GALNT17: variants seen among roughly 807,000 people sequenced by gnomAD.
GALNT17 encodes polypeptide N-acetylgalactosaminyltransferase 17, also known as UDP-GalNAc:polypeptide N-acetylgalactosaminyltransferase-like 3.
A neutral mutation model predicts 63.7 loss-of-function variants in GALNT17; 29 were observed. The ratio of observed to expected loss-of-function variants is 0.46; its 90% CI spans 0.34 to 0.62. The LOEUF is 0.62. Among genes scored for constraint, GALNT17 ranks in the 20% least tolerant of loss-of-function variants. GALNT17 has a pLI of 0.01. For missense variants in GALNT17, 603 were observed against 799.6 expected (o/e 0.75, Z 2.97); for synonymous variants, 305 against 318.3 (o/e 0.96, Z 0.45).
intron 5 of GALNT17, among the ~76,000 whole-genome samples, chr7:71,480,548 C>G (rs1787801087): frequency 6.7e-6 from 1 of 150,146 alleles, no homozygotes; most frequent in African/African-American, 2.5e-5. Context: ...CTCATGTCAC[C>G]CAGGCTGGAG....
chr7:71,188,291 A>C (rs1031390446), intron 1 of GALNT17, among the ~76,000 whole-genome samples: 1 of 152,144 alleles, frequency 6.6e-6, no homozygotes, highest in African/African-American at 2.4e-5. Context: ...TTAGTTCTTT[A>C]AGGAATCTCC....
chr7:71,591,009 C>T (rs569998714), intron 6 of GALNT17, among the ~76,000 whole-genome samples: 1 of 152,254 alleles, frequency 6.6e-6, no homozygotes, highest in South Asian at 2.1e-4. Context: ...GATCCACCCA[C>T]CTAGGCCTCC....
chr7:71,478,423 C>A (rs376809484), intron 5 of GALNT17, among the ~76,000 whole-genome samples: 1 of 152,072 alleles, frequency 6.6e-6, no homozygotes, highest in African/African-American at 2.4e-5. Context: ...AAGCAATCCT[C>A]CCCCCTCAGC....
intron 6 of GALNT17, among the ~76,000 whole-genome samples, chr7:71,628,552 A>T (rs761116145): frequency 5.9e-5 from 9 of 151,844 alleles, no homozygotes. Context: ...CTAACTCGTG[A>T]CCTCAGGTGA....
chr7:71,133,122 G>C (rs768442761), intron 1 of GALNT17, 82 bp downstream of exon 1: 79 of 1,246,044 alleles, frequency 6.3e-5, no homozygotes, highest in Non-Finnish European at 7.9e-5. Flanking sequence ...TGCGCGCTGC[G>C]CCCTGTGCCT....
At chr7:71,192,100 A>C (rs965064514) in intron 1 of GALNT17, among the ~76,000 whole-genome samples, 2 of 152,174 alleles carry the variant, frequency 1.3e-5, no homozygotes, top group African/African-American at 2.4e-5. Flanking sequence ...AAGAACTTGG[A>C]ATCTGATGTT....
intron 6 of GALNT17, among the ~76,000 whole-genome samples, chr7:71,616,839 A>C (rs1174894519): frequency 1.1e-5 from 1 of 92,864 alleles, no homozygotes. Flanking sequence ...TATATATTAT[A>C]ATTATGTATT....
At chr7:71,544,160 C>G (rs1250475927) in intron 5 of GALNT17, among the ~76,000 whole-genome samples, 2 of 143,044 alleles carry the variant, frequency 1.4e-5, no homozygotes, top group African/African-American at 5.3e-5. Flanking sequence ...GATGGAGTCT[C>G]GCTCTGTTGC....
At chr7:71,280,872 A>T (rs896758748) in intron 1 of GALNT17, among the ~76,000 whole-genome samples, 7 of 152,160 alleles carry the variant, frequency 4.6e-5, no homozygotes, top group African/African-American at 1.7e-4. Flanking sequence ...TCACATGCCC[A>T]CTTGGAGGAA....
intron 2 of GALNT17, among the ~76,000 whole-genome samples, chr7:71,345,843 T>C (rs1437773079): frequency 2.0e-5 from 3 of 152,068 alleles, no homozygotes; most frequent in Non-Finnish European, 4.4e-5. Context: ...AGATACCCTG[T>C]GTCTCACAGG....
intron 5 of GALNT17, among the ~76,000 whole-genome samples, chr7:71,565,882 C>A (rs56012804): frequency 0.014 from 2,069 of 147,082 alleles, 20 homozygotes; most frequent in Non-Finnish European, 0.021. Context: ...CTCGCTCTTT[C>A]CCCCAGGTTG....
At chr7:71,246,728 C>T (rs1273337846) in intron 1 of GALNT17, among the ~76,000 whole-genome samples, 1 of 151,602 alleles carries the variant, frequency 6.6e-6, no homozygotes, top group Non-Finnish European at 1.5e-5. Context: ...ACTTGGGAGG[C>T]TGAGGCAGGA....
intron 8 of GALNT17, 143 bp downstream of exon 8, chr7:71,670,252 T>A: frequency 8.8e-7 from 1 of 1,142,522 alleles, no homozygotes; most frequent in Non-Finnish European, 1.3e-6. Flanking sequence ...AGATTCTCTC[T>A]AGCTGGGGGG....
chr7:71,707,765 C>T (rs1339680134), intron 9 of GALNT17, among the ~76,000 whole-genome samples: 1 of 152,166 alleles, frequency 6.6e-6, no homozygotes. Flanking sequence ...ACAGGCCAGC[C>T]TGGGCTTACT....
intron 1 of GALNT17, among the ~76,000 whole-genome samples, chr7:71,299,611 A>G (rs749143899): frequency 6.6e-6 from 1 of 151,714 alleles, no homozygotes; most frequent in Non-Finnish European, 1.5e-5. Context: ...CCCTCGTGGG[A>G]TGTATAGACA....
intron 2 of GALNT17, among the ~76,000 whole-genome samples, chr7:71,356,717 T>A (rs755615738): frequency 6.6e-6 from 1 of 152,048 alleles, no homozygotes; most frequent in Non-Finnish European, 1.5e-5. Context: ...GCCTCCAACT[T>A]TGGGAATCAG....
intron 5 of GALNT17, among the ~76,000 whole-genome samples, chr7:71,438,550 A>G (rs1241976689): frequency 6.6e-6 from 1 of 152,188 alleles, no homozygotes; most frequent in African/African-American, 2.4e-5. Flanking sequence ...ATTGGATGAG[A>G]TGTCTTCAGA....
At chr7:71,309,540 G>A (rs17143199) in intron 1 of GALNT17, among the ~76,000 whole-genome samples, 40,903 of 151,860 alleles carry the variant, frequency 0.27, 6,242 homozygotes, top group East Asian at 0.5. Context: ...CACTTTTGTC[G>A]TGTCATTTAC....
In GALNT17 at chr7:71,522,888, G is replaced by A. The variant is rs114454855; in HGVS notation, c.963-48397G>A. Among the ~76,000 whole-genome samples the A allele has an allele frequency of 6.8e-3, 1,042 of 152,292 alleles. 11 individuals are homozygous for A. The highest frequency in any genetic ancestry group is 0.023 in the African/African-American group (958 of 41,562). ...ATATGCTTCCTGAACCACAGCAGAAGCATCCCCTGGGAACTTCTTAGAAAT... is the reference window on the plus strand; with the variant it reads ...ATATGCTTCCTGAACCACAGCAGAAACATCCCCTGGGAACTTCTTAGAAAT... On this transcript the variant is annotated intron_variant, in intron 5 of 10. Coordinates refer to ENST00000333538, the MANE Select transcript of GALNT17 (RefSeq NM_022479.3).
Sources: gnomAD v4.1 joint callset for allele counts (sites outside exome capture counted in the v4.1 genomes callset) on GRCh38, gnomAD v4.1.1 for gene constraint, MANE v1.5 for transcripts, NCBI Gene and HGNC (gene_info 2026-07-23, HGNC 2026-07-21) for gene names.